Variants in CNTNAP5 observed in about 807,000 individuals in gnomAD.
The protein encoded by CNTNAP5 is contactin-associated protein-like 5.
A neutral mutation model predicts 150.2 loss-of-function variants in CNTNAP5; 72 were observed. The observed-to-expected ratio is 0.48, with a 90% confidence interval of 0.40 to 0.58. The LOEUF (loss-of-function observed/expected upper bound fraction) is 0.58, where lower values mean the gene tolerates loss of function less well. Among genes scored for constraint, CNTNAP5 ranks in the 20% least tolerant of loss-of-function variants. The probability of loss-of-function intolerance (pLI) is 0.00; values close to 1 mark genes in which losing one functional copy is unlikely to be tolerated. For synonymous variants in CNTNAP5, 672 were observed against 619.8 expected (o/e 1.08, Z -1.25); for missense variants, 1,636 against 1,626.2 (o/e 1.01, Z -0.10).
chr2:124,531,842 A>G (rs962621903), intron 10 of CNTNAP5, among the ~76,000 whole-genome samples: 5 of 152,192 alleles, frequency 3.3e-5, no homozygotes, highest in African/African-American at 1.2e-4. Flanking sequence ...CAAAATTAAT[A>G]TAAGTAGAGA....
intron 3 of CNTNAP5, among the ~76,000 whole-genome samples, chr2:124,397,865 C>T (rs570692938): frequency 4.7e-5 from 7 of 149,892 alleles, no homozygotes; most frequent in African/African-American, 7.4e-5. Flanking sequence ...AGGGATAGCA[C>T]GTGAAATGAA....
intron 1 of CNTNAP5, among the ~76,000 whole-genome samples, chr2:124,028,314 TTG>T (rs10678984): frequency 3.3e-5 from 5 of 150,738 alleles, no homozygotes; most frequent in Non-Finnish European, 3.0e-5. Flanking sequence ...TGTGTGTGTT[TTG>T]TGTGTGTGTG....
intron 14 of CNTNAP5, among the ~76,000 whole-genome samples, chr2:124,754,279 G>A (rs2105153689): frequency 6.6e-6 from 1 of 152,134 alleles, no homozygotes; most frequent in African/African-American, 2.4e-5. Context: ...TAATAAATTA[G>A]GCAATCTCTA....
intron 3 of CNTNAP5, among the ~76,000 whole-genome samples, chr2:124,328,423 T>A (rs1689272559): frequency 6.6e-6 from 1 of 152,202 alleles, no homozygotes; most frequent in African/African-American, 2.4e-5. Flanking sequence ...TTAAGCTCAT[T>A]CAATTCTTGA....
At chr2:124,095,839 C>A (rs1682922874) in intron 1 of CNTNAP5, among the ~76,000 whole-genome samples, 1 of 152,050 alleles carries the variant, frequency 6.6e-6, no homozygotes, top group Non-Finnish European at 1.5e-5. Context: ...GTATGACAAT[C>A]ATTTTCATGC....
At chr2:124,289,589 C>T (rs1228255379) in intron 3 of CNTNAP5, among the ~76,000 whole-genome samples, 4 of 152,266 alleles carry the variant, frequency 2.6e-5, no homozygotes, top group Non-Finnish European at 4.4e-5. Flanking sequence ...ACATTTATAA[C>T]CAATTACCAC....
At chr2:124,824,716 G>A (rs113381381) in intron 19 of CNTNAP5, among the ~76,000 whole-genome samples, 205 of 152,326 alleles carry the variant, frequency 1.3e-3, no homozygotes, top group African/African-American at 4.7e-3. Flanking sequence ...AGCAGAGCAC[G>A]ATCAGTAGTG....
chr2:124,557,052 G>C (rs922750488), intron 10 of CNTNAP5, among the ~76,000 whole-genome samples: 4 of 151,816 alleles, frequency 2.6e-5, no homozygotes, highest in South Asian at 2.1e-4. Flanking sequence ...CATGCATAAG[G>C]GTTCTGCTTC....
At chr2:124,398,045 G>T (rs1042382560) in intron 3 of CNTNAP5, among the ~76,000 whole-genome samples, 5 of 152,128 alleles carry the variant, frequency 3.3e-5, no homozygotes, top group Non-Finnish European at 7.3e-5. Flanking sequence ...CTTTAGTGCT[G>T]TCCTCTCCTT....
At chr2:124,065,302 T>C (rs1427333604) in intron 1 of CNTNAP5, among the ~76,000 whole-genome samples, 1 of 152,152 alleles carries the variant, frequency 6.6e-6, no homozygotes, top group African/African-American at 2.4e-5. Context: ...ATAAACAAGA[T>C]AAACATTAAA....
chr2:124,869,697 G>A lies in CNTNAP5; in HGVS notation c.3371G>A (p.Ser1124Asn). The change falls in exon 21 of 24, where the codon AGT becomes AAT. Residue 1124 changes from serine (S) to asparagine (N), a missense_variant. By Grantham distance (46) the Ser-to-Asn change is conservative (BLOSUM62 1). Transcript: ENST00000682447. ...CAGATGGACCAGCAACTTCGACTCA[G>A]TTATAACTTCTCTCCGGAAGTAGAG... ...TIQMDQQLRL[S>N]YNFSPEVEFR... is the part of the protein sequence containing the mutation. The A allele has an allele frequency of 6.2e-7, 1 of 1,611,954 alleles. No individual in the cohort carries two copies. The highest frequency in any genetic ancestry group is 1.1e-5 in the South Asian group (1 of 90,986).
chr2:124,641,132 A>C (rs991630002), intron 12 of CNTNAP5, among the ~76,000 whole-genome samples: 1 of 41,270 alleles, frequency 2.4e-5, no homozygotes, highest in African/African-American at 5.6e-5. Flanking sequence ...ATCTCAAAAA[A>C]AAAAAAAAAA....
chr2:124,882,129 C>A (rs962820825), intron 21 of CNTNAP5, among the ~76,000 whole-genome samples: 10 of 152,086 alleles, frequency 6.6e-5, no homozygotes, highest in African/African-American at 2.4e-5. Context: ...TTTAATGGAA[C>A]TGGACCCAGG....
At chr2:124,843,755 T>C (rs537580520) in intron 19 of CNTNAP5, among the ~76,000 whole-genome samples, 1 of 152,198 alleles carries the variant, frequency 6.6e-6, no homozygotes, top group South Asian at 2.1e-4. Context: ...CCCTGATAAT[T>C]AGTTATGTTG....
chr2:124,266,974 T>C (rs1468891233), intron 3 of CNTNAP5, among the ~76,000 whole-genome samples: 1 of 147,026 alleles, frequency 6.8e-6, no homozygotes, highest in Non-Finnish European at 1.5e-5. Context: ...TGAGAGATTT[T>C]TTTTTTTTTT....
intron 1 of CNTNAP5, among the ~76,000 whole-genome samples, chr2:124,151,376 A>G (rs181985130): frequency 6.6e-6 from 1 of 152,238 alleles, no homozygotes; most frequent in African/African-American, 2.4e-5. Context: ...TCCCTTCTCT[A>G]CGCTTCCTCA....
At chr2:124,210,226 C>A (rs1053777970) in intron 1 of CNTNAP5, among the ~76,000 whole-genome samples, 1 of 151,992 alleles carries the variant, frequency 6.6e-6, no homozygotes, top group African/African-American at 2.4e-5. Context: ...GGTTTTTAGT[C>A]TTGTGACACT....
chr2:124,274,720 T>G (rs1026648684), intron 3 of CNTNAP5, among the ~76,000 whole-genome samples: 5 of 152,080 alleles, frequency 3.3e-5, no homozygotes, highest in Non-Finnish European at 5.9e-5. Context: ...GAGGTGGAAT[T>G]TTTGCATTAT....
chr2:124,679,094 G>A (rs867364740), intron 13 of CNTNAP5, among the ~76,000 whole-genome samples: 1 of 151,850 alleles, frequency 6.6e-6, no homozygotes, highest in Non-Finnish European at 1.5e-5. Flanking sequence ...GGGATGAATG[G>A]CCAGAGTCAA....
Sources: allele counts gnomAD v4.1 joint callset (sites outside exome capture counted in the v4.1 genomes callset), GRCh38; gene constraint gnomAD v4.1.1; transcripts MANE v1.5; gene names NCBI Gene and HGNC (gene_info 2026-07-23, HGNC 2026-07-21).